The following SEMA6A variants were observed in gnomAD, a reference collection of about 807,000 sequenced individuals.
The protein encoded by SEMA6A is semaphorin 6A, also known as semaphorin-6A.
SEMA6A carries 25 observed loss-of-function variants against 96.8 expected under a neutral mutation model. That is an observed-to-expected ratio of 0.26 (90% CI 0.19 to 0.36). The LOEUF (loss-of-function observed/expected upper bound fraction) is 0.36, where lower values mean the gene tolerates loss of function less well. Among genes scored for constraint, SEMA6A ranks in the 10% least tolerant of loss-of-function variants. The probability of loss-of-function intolerance (pLI) is 1.00; values close to 1 mark genes in which losing one functional copy is unlikely to be tolerated. For synonymous variants in SEMA6A, 612 were observed against 518.0 expected (o/e 1.18, Z -2.46); for missense variants, 1,363 against 1,323.1 (o/e 1.03, Z -0.47).
At chr5:116,449,289 G>A in intron 18 of SEMA6A, 1 of 701,966 alleles carries the variant, frequency 1.4e-6, no homozygotes, top group Non-Finnish European at 2.6e-6. Flanking sequence ...TTCCTATTAT[G>A]GAAATGATAG....
At chr5:116,509,239 G>A (rs1758288655) in intron 1 of SEMA6A, among the ~76,000 whole-genome samples, 1 of 152,114 alleles carries the variant, frequency 6.6e-6, no homozygotes, top group Non-Finnish European at 1.5e-5. Flanking sequence ...ATCTGGATTT[G>A]CAAATACAAA....
intron 1 of SEMA6A, among the ~76,000 whole-genome samples, chr5:116,559,376 G>C (rs1402417311): frequency 6.6e-6 from 1 of 152,132 alleles, no homozygotes; most frequent in Non-Finnish European, 1.5e-5. Flanking sequence ...CGGAAGACAG[G>C]TACCCCCTGG....
intron 1 of SEMA6A, among the ~76,000 whole-genome samples, chr5:116,537,666 T>G (rs1453847843): frequency 6.6e-6 from 1 of 152,168 alleles, no homozygotes; most frequent in Non-Finnish European, 1.5e-5. Flanking sequence ...TAAATAAATG[T>G]TGGTGACTAC....
At chr5:116,538,906 T>G (rs979255743) in intron 1 of SEMA6A, among the ~76,000 whole-genome samples, 7 of 152,210 alleles carry the variant, frequency 4.6e-5, no homozygotes, top group Admixed American at 1.3e-4. Context: ...TAGAGTTTTC[T>G]TTTCCTTCTT....
intron 18 of SEMA6A, among the ~76,000 whole-genome samples, chr5:116,454,798 G>GTGTGTGTGTGTGTGCA (rs1754897311): frequency 1.3e-5 from 2 of 150,434 alleles, no homozygotes; most frequent in Non-Finnish European, 3.0e-5. Flanking sequence ...AAGTGTGTGT[G>GTGTGTGTGTGTGTGCA]TGTGTGTGTG....
In SEMA6A at chr5:116,446,904, G is replaced by C. The variant is rs749873705; in HGVS notation, c.2802C>G (p.Leu934=). 2 of 1,613,990 alleles carry C rather than the reference G, an allele frequency of 1.2e-6. No individual in the cohort carries two copies. Among genetic ancestry groups the C allele is most frequent in the Non-Finnish European group, 8.5e-7 (1 of 1,179,892 alleles). The change falls in exon 19 of 19, where the codon CTC becomes CTG. Residue 934 remains leucine, a synonymous_variant. Coordinates refer to ENST00000343348, the MANE Select transcript of SEMA6A (RefSeq NM_020796.5). ...SLTRSHQATT[L]KRNNTNSSNS... ...TGGAGGAGTTAGTGTTGTTTCTTTT[G>C]AGAGTGGTGGCCTGGTGGCTTCTCG...
At position 116,475,600 on chromosome 5, in the gene SEMA6A, C is replaced by T. The variant is rs377632257; in HGVS notation, c.1653G>A (p.Leu551=). The T allele has an allele frequency of 6.3e-7, 1 of 1,598,660 alleles. No homozygotes were observed. Among genetic ancestry groups the T allele is most frequent in the African/African-American group, 1.3e-5 (1 of 74,712 alleles). Residue 551 remains leucine, a synonymous_variant, in exon 16 of 19, where the codon CTG becomes CTA. Transcript: ENST00000343348. The part of the protein sequence containing the change: ...ACSHLSPNSR[L]TFEQDIERGN... ...CACGCTCTATGTCCTGCTCAAAAGT[C>T]AGTCTTTTAAAAAAGGAAGGGAAAG... is the stretch of plus-strand genomic sequence containing the variant.
chr5:116,559,100 T>G (rs1182978863), intron 1 of SEMA6A, among the ~76,000 whole-genome samples: 1 of 152,160 alleles, frequency 6.6e-6, no homozygotes, highest in African/African-American at 2.4e-5. Flanking sequence ...GCTTCCGTCT[T>G]CCTCCTATTA....
intron 8 of SEMA6A, 149 bp downstream of exon 8, chr5:116,488,739 T>C (rs1757184824): frequency 9.7e-7 from 1 of 1,034,742 alleles, no homozygotes; most frequent in Non-Finnish European, 1.3e-6. Flanking sequence ...AATAAATCAG[T>C]TGAAGCCAAA....
chr5:116,509,539 C>T (rs540298301), intron 1 of SEMA6A, among the ~76,000 whole-genome samples: 1 of 152,170 alleles, frequency 6.6e-6, no homozygotes, highest in Non-Finnish European at 1.5e-5. Flanking sequence ...CTATAAGATT[C>T]CTCCGGCTCT....
chr5:116,495,243 A>C (rs981174320), intron 6 of SEMA6A, among the ~76,000 whole-genome samples, 170 bp downstream of exon 6: 1 of 152,238 alleles, frequency 6.6e-6, no homozygotes, highest in Non-Finnish European at 1.5e-5. Flanking sequence ...ACAAACAGGA[A>C]GCTTAGAAGC....
chr5:116,533,924 T>C (rs1759599549), intron 1 of SEMA6A, among the ~76,000 whole-genome samples: 4 of 152,172 alleles, frequency 2.6e-5, no homozygotes. Context: ...GCCATCTCTA[T>C]GCCCTTTCTC....
rs549744547 is a variant in SEMA6A, at chr5:116,548,064, CCTGAAA to C, written c.-39+26115_-39+26120del. ...TCTGCAAACAGGGATGTCTGGCAGC[CCTGAAA>C]CTTAATTTCCCACTTTGGGGTTGAC... On this transcript the variant is annotated intron_variant, in intron 1 of 18. Coordinates refer to ENST00000343348, the MANE Select transcript of SEMA6A (RefSeq NM_020796.5). 2.7e-3 allele frequency among the ~76,000 whole-genome samples: 407 copies of C among 152,278 alleles called. 2 individuals are homozygous for C. Among genetic ancestry groups the C allele is most frequent in the Non-Finnish European group, 4.9e-3 (333 of 68,014 alleles).
rs138866522 is a variant in SEMA6A, at chr5:116,546,590, G to A, written c.-39+27595C>T. ...ATCTACATTTCTAATAAGCTTTTGG[G>A]TGATGCTCATGCTGCTGGTTCAGGA... On this transcript the variant is annotated intron_variant, in intron 1 of 18. Transcript: ENST00000343348. 5.8e-3 allele frequency among the ~76,000 whole-genome samples: 882 copies of A among 152,288 alleles called. 5 individuals are homozygous for A. The highest frequency in any genetic ancestry group is 0.02 in the African/African-American group (843 of 41,554).
intron 9 of SEMA6A, chr5:116,487,286 G>GC (rs1419721438): frequency 3.7e-6 from 1 of 273,956 alleles, no homozygotes; most frequent in African/African-American, 2.3e-5. Flanking sequence ...CACTTTGTAT[G>GC]CACAATCTCT....
At chr5:116,480,447 C>A (rs1756693814) in intron 11 of SEMA6A, among the ~76,000 whole-genome samples, 170 bp from the exon 12 acceptor site, 1 of 152,172 alleles carries the variant, frequency 6.6e-6, no homozygotes, top group Non-Finnish European at 1.5e-5. Context: ...GCTGAGATTT[C>A]CTCTGAGCCG....
chr5:116,555,451 G>C (rs1465683735), intron 1 of SEMA6A, among the ~76,000 whole-genome samples: 1 of 152,152 alleles, frequency 6.6e-6, no homozygotes, highest in Non-Finnish European at 1.5e-5. Flanking sequence ...TGAAAATTCA[G>C]TTTATTGGTA....
intron 18 of SEMA6A, among the ~76,000 whole-genome samples, chr5:116,453,275 A>AGACCCTATG (rs1754766461): frequency 6.6e-6 from 1 of 152,150 alleles, no homozygotes; most frequent in South Asian, 2.1e-4. Flanking sequence ...CCCACTCATC[A>AGACCCTATG]GACCCTATCT....
intron 11 of SEMA6A, 25 bp downstream of exon 11, chr5:116,482,419 T>C (rs114974773): frequency 1.9e-6 from 3 of 1,606,794 alleles, no homozygotes; most frequent in African/African-American, 2.7e-5. Flanking sequence ...AAGTTTAAAA[T>C]AGCCATATGA....
Sources: gnomAD v4.1 joint callset for allele counts (sites outside exome capture counted in the v4.1 genomes callset) on GRCh38, gnomAD v4.1.1 for gene constraint, MANE v1.5 for transcripts, NCBI Gene and HGNC (gene_info 2026-07-23, HGNC 2026-07-21) for gene names.